SEC24D: variants seen among roughly 807,000 people sequenced by gnomAD.
SEC24D encodes the protein SEC24 homolog D, COPII component.
In SEC24D, 69 loss-of-function variants were observed where a neutral mutation model predicts 116.9. The observed-to-expected ratio is 0.59, with a 90% confidence interval of 0.49 to 0.72. The LOEUF is 0.72. Ranked by LOEUF, SEC24D falls within the 30% of genes least tolerant of loss-of-function variation. The pLI is 0.00. For synonymous variants in SEC24D, 405 were observed against 442.8 expected (o/e 0.91, Z 1.07); for missense variants, 1,131 against 1,264.1 (o/e 0.89, Z 1.60).
intron 6 of SEC24D, among the ~76,000 whole-genome samples, chr4:118,812,072 C>T (rs1053204858): frequency 2.6e-5 from 4 of 152,114 alleles, no homozygotes; most frequent in African/African-American, 9.7e-5. Flanking sequence ...CAAAAGGCCA[C>T]GTACACTCCT....
intron 8 of SEC24D, among the ~76,000 whole-genome samples, chr4:118,779,232 T>C (rs531105927): frequency 2.6e-5 from 4 of 152,346 alleles, no homozygotes; most frequent in African/African-American, 9.6e-5. Context: ...TGATATTGGC[T>C]GTGGGTTTGT....
intron 8 of SEC24D, among the ~76,000 whole-genome samples, chr4:118,793,311 C>CA (rs1349449997): frequency 6.6e-6 from 1 of 151,058 alleles, no homozygotes; most frequent in East Asian, 1.9e-4. Flanking sequence ...ACTAAAAATA[C>CA]AAAAAATTAG....
At chr4:118,821,157 C>T (rs938271310) in intron 3 of SEC24D, among the ~76,000 whole-genome samples, 5 of 152,166 alleles carry the variant, frequency 3.3e-5, no homozygotes, top group African/African-American at 4.8e-5. Context: ...ATCCTAGCAT[C>T]GTTCTCCACA....
At chr4:118,825,294 T>G (rs1456518956) in intron 2 of SEC24D, 1 of 255,046 alleles carries the variant, frequency 3.9e-6, no homozygotes, top group Non-Finnish European at 7.7e-6. Context: ...CCTAACTGGC[T>G]GGATGATGAA....
At chr4:118,833,831 G>T in intron 1 of SEC24D, 94 bp from the exon 2 acceptor site, 1 of 615,828 alleles carries the variant, frequency 1.6e-6, no homozygotes, top group Non-Finnish European at 2.8e-6. Context: ...GTTTATGATG[G>T]TTTGAGGAAA....
chr4:118,747,478 CT>C (rs1726597180), intron 13 of SEC24D, among the ~76,000 whole-genome samples: 1 of 152,020 alleles, frequency 6.6e-6, no homozygotes. Context: ...GTTGGTCAGG[CT>C]GGTCTCGAAC....
At chr4:118,810,125 T>TG (rs1729852876) in intron 6 of SEC24D, among the ~76,000 whole-genome samples, 1 of 123,954 alleles carries the variant, frequency 8.1e-6, no homozygotes. Flanking sequence ...TGTGTGTGTG[T>TG]GTGTGTGTGT....
chr4:118,832,039 C>T (rs2110544793), intron 2 of SEC24D, among the ~76,000 whole-genome samples: 1 of 152,188 alleles, frequency 6.6e-6, no homozygotes, highest in Non-Finnish European at 1.5e-5. Context: ...CCCGTCTCTA[C>T]TAAAAATACA....
At position 118,732,795 on chromosome 4, in the gene SEC24D, G is replaced by A. The variant is rs201125975; in HGVS notation, c.2614C>T (p.Leu872=). 1.9e-5 allele frequency: 30 copies of A among 1,614,048 alleles called. No homozygotes were observed. Among genetic ancestry groups the A allele is most frequent in the Non-Finnish European group, 2.5e-5 (29 of 1,179,992 alleles). Residue 872 remains leucine, a synonymous_variant, in exon 20 of 23, where the codon CTG becomes TTG. Coordinates refer to ENST00000280551, the MANE Select transcript of SEC24D (RefSeq NM_014822.4). ...TCAGCCACACCCATGGTCATGACCA[G>A]CTGTCTCTGGTATGCTCGTTCATCA... ...STDERAYQRQ[L]VMTMGVADSQ...
At chr4:118,806,390 C>T (rs1348686866) in intron 6 of SEC24D, among the ~76,000 whole-genome samples, 1 of 151,738 alleles carries the variant, frequency 6.6e-6, no homozygotes, top group African/African-American at 2.4e-5. Context: ...GGCTGGAGTG[C>T]TGTGCCGCAA....
chr4:118,807,592 G>A (rs1304979358), intron 6 of SEC24D, among the ~76,000 whole-genome samples: 1 of 151,396 alleles, frequency 6.6e-6, no homozygotes, highest in Non-Finnish European at 1.5e-5. Flanking sequence ...CACCAAGGGT[G>A]CAGTTTTTAA....
At chr4:118,729,713 T>C (rs1725590066) in intron 21 of SEC24D, 1 of 152,218 alleles carries the variant, frequency 6.6e-6, no homozygotes, top group Non-Finnish European at 1.5e-5. Context: ...TAATGTTTGC[T>C]TCTCAGCAAG....
chr4:118,727,506 T>C (rs947900949), intron 22 of SEC24D, among the ~76,000 whole-genome samples: 35 of 152,078 alleles, frequency 2.3e-4, no homozygotes, highest in Non-Finnish European at 5.0e-4. Context: ...AATGCCCAGT[T>C]GGAGGGATGC....
intron 3 of SEC24D, among the ~76,000 whole-genome samples, chr4:118,822,800 T>G (rs913740130): frequency 1.3e-5 from 2 of 152,086 alleles, no homozygotes; most frequent in Admixed American, 1.3e-4. Flanking sequence ...CTCGAACTCC[T>G]GGGCTCAGGC....
chr4:118,791,775 C>A (rs982963724), intron 8 of SEC24D, among the ~76,000 whole-genome samples: 26 of 152,292 alleles, frequency 1.7e-4, no homozygotes, highest in Middle Eastern at 3.4e-3. Flanking sequence ...ACCTGCCAGC[C>A]TCGGCCTCCC....
At position 118,759,394 on chromosome 4, in the gene SEC24D, C is replaced by T. The variant is rs533392790; in HGVS notation, c.1297-1549G>A. Among the ~76,000 whole-genome samples, 15 of 152,278 alleles carry T rather than the reference C, an allele frequency of 9.9e-5. No individual in the cohort carries two copies. The South Asian group carries it at 2.9e-3, about 29-fold the overall frequency. ...CATCTGAAAGCTTGTCATCTTGTGC[C>T]TAGATAACTGTCATGGCTTCATCAT... On this transcript the variant is annotated intron_variant, in intron 10 of 22. Coordinates refer to ENST00000280551, the MANE Select transcript of SEC24D (RefSeq NM_014822.4).
chr4:118,777,264 C>G (rs112685951), intron 8 of SEC24D, among the ~76,000 whole-genome samples: 1 of 152,134 alleles, frequency 6.6e-6, no homozygotes, highest in African/African-American at 2.4e-5. Context: ...ATCCCTCCCC[C>G]AGCCCTCCAC....
intron 8 of SEC24D, among the ~76,000 whole-genome samples, chr4:118,775,699 T>C (rs1302534456): frequency 1.3e-5 from 2 of 152,196 alleles, no homozygotes; most frequent in Non-Finnish European, 2.9e-5. Context: ...GTAGGAATTC[T>C]GATAGAAGTT....
chr4:118,779,000 G>A (rs894256136), intron 8 of SEC24D, among the ~76,000 whole-genome samples: 13 of 152,044 alleles, frequency 8.6e-5, no homozygotes, highest in Non-Finnish European at 1.8e-4. Context: ...AGGAGATTTG[G>A]GGCTGAAATG....
Sources: allele counts gnomAD v4.1 joint callset (sites outside exome capture counted in the v4.1 genomes callset), GRCh38; gene constraint gnomAD v4.1.1; transcripts MANE v1.5; gene names NCBI Gene and HGNC (gene_info 2026-07-23, HGNC 2026-07-21).